Variants in VPS8 observed in about 807,000 individuals in gnomAD.
The protein encoded by VPS8 is vacuolar protein sorting-associated protein 8 homolog.
A neutral mutation model predicts 216.4 loss-of-function variants in VPS8; 129 were observed. The ratio of observed to expected loss-of-function variants is 0.60; its 90% CI spans 0.52 to 0.69. The LOEUF (loss-of-function observed/expected upper bound fraction) is 0.69. Ranked by LOEUF, VPS8 falls within the 30% of genes least tolerant of loss-of-function variation. The pLI, the probability that VPS8 is intolerant of heterozygous loss-of-function variation, is 0.00. For synonymous variants in VPS8, 571 were observed against 565.4 expected (o/e 1.01, Z -0.14); for missense variants, 1,531 against 1,683.5 (o/e 0.91, Z 1.59).
intron 36 of VPS8, among the ~76,000 whole-genome samples, chr3:184,956,933 A>T (rs1262072226): frequency 3.9e-5 from 6 of 152,246 alleles, no homozygotes; most frequent in Admixed American, 3.3e-4. Flanking sequence ...AGTGTTTTAG[A>T]GAAGATAGAT....
chr3:185,042,853 C>T (rs958947814), intron 46 of VPS8, among the ~76,000 whole-genome samples: 1 of 152,168 alleles, frequency 6.6e-6, no homozygotes, highest in Non-Finnish European at 1.5e-5. Flanking sequence ...AAGCTGTTGC[C>T]TTTCAAAGCA....
At chr3:184,875,314 T>C (rs1176231271) in intron 21 of VPS8, among the ~76,000 whole-genome samples, 1 of 152,148 alleles carries the variant, frequency 6.6e-6, no homozygotes, top group Non-Finnish European at 1.5e-5. Context: ...TGTAAGGCTA[T>C]TCACTATTTT....
intron 45 of VPS8, among the ~76,000 whole-genome samples, chr3:185,000,730 C>T (rs1232757965): frequency 2.0e-5 from 3 of 151,944 alleles, no homozygotes; most frequent in African/African-American, 4.8e-5. Context: ...CTCAGCCTCC[C>T]GAGTAGCTGG....
chr3:184,841,762 C>T (rs1722183274), intron 7 of VPS8, among the ~76,000 whole-genome samples: 1 of 152,118 alleles, frequency 6.6e-6, no homozygotes, highest in African/African-American at 2.4e-5. Flanking sequence ...TCATTTAGTT[C>T]AGTCCCCTTA....
intron 40 of VPS8, among the ~76,000 whole-genome samples, chr3:184,978,680 G>A (rs1231418964): frequency 6.6e-6 from 1 of 152,162 alleles, no homozygotes; most frequent in East Asian, 1.9e-4. Flanking sequence ...TTACAATTGT[G>A]AGCCATCGCA....
intron 34 of VPS8, among the ~76,000 whole-genome samples, chr3:184,935,219 A>G (rs1305790384): frequency 1.3e-5 from 2 of 152,104 alleles, no homozygotes; most frequent in Non-Finnish European, 2.9e-5. Flanking sequence ...ATTAAATTAT[A>G]CTTTTTAGGA....
chr3:184,864,515 G>C (rs1191616652), intron 16 of VPS8, among the ~76,000 whole-genome samples: 1 of 152,176 alleles, frequency 6.6e-6, no homozygotes, highest in African/African-American at 2.4e-5. Context: ...CCATTTGAAA[G>C]GTTTAGAGGG....
chr3:184,878,356 G>A (rs1476535822), intron 21 of VPS8, among the ~76,000 whole-genome samples: 2 of 152,078 alleles, frequency 1.3e-5, no homozygotes, highest in Non-Finnish European at 2.9e-5. Context: ...TGATCCACCC[G>A]CCTCGGCCTC....
chr3:184,984,323 C>T (rs1462509842), intron 42 of VPS8, among the ~76,000 whole-genome samples: 22 of 131,818 alleles, frequency 1.7e-4, no homozygotes, highest in Non-Finnish European at 2.9e-4. Context: ...GAGACAGTTT[C>T]ACTCTTGTTG....
At position 184,870,699 on chromosome 3, in the gene VPS8, G is replaced by A; in HGVS notation, c.1645-17G>A. 1 of 1,596,656 alleles carries A rather than the reference G, an allele frequency of 6.3e-7. No homozygotes were observed. The highest frequency in any genetic ancestry group is 1.1e-5 in the South Asian group (1 of 89,198). On this transcript the variant is annotated splice_polypyrimidine_tract_variant and intron_variant, in intron 20 of 47. Coordinates refer to ENST00000625842, the MANE Select transcript of VPS8 (RefSeq NM_001009921.3). ...GAGATATATTTTAATGTCTATGCCA[G>A]GCTGTTTTCCTTACAGATGGTAGAA...
Position 185,019,740 on chromosome 3 carries a change from G to A in VPS8, c.4003-4596G>A, listed in dbSNP as rs149577104. ...GCCATCACGAGCATGTCACAATGCT[G>A]TAGAGATTTTGTTTATGGCCAATTT... On this transcript the variant is annotated intron_variant, in intron 45 of 47. Coordinates refer to ENST00000625842, the MANE Select transcript of VPS8 (RefSeq NM_001009921.3). Among the ~76,000 whole-genome samples, 30 of 152,366 alleles carry A rather than the reference G, an allele frequency of 2.0e-4. No homozygotes were observed. The East Asian group carries it at 5.0e-3, about 25-fold the overall frequency.
At chr3:184,922,912 C>T (rs1035504886) in intron 29 of VPS8, among the ~76,000 whole-genome samples, 2 of 151,030 alleles carry the variant, frequency 1.3e-5, no homozygotes, top group Admixed American at 6.6e-5. Flanking sequence ...AGGATAATAA[C>T]CAATTAGACA....
chr3:185,050,216 A>C (rs1227424435), intron 47 of VPS8, among the ~76,000 whole-genome samples: 1 of 151,772 alleles, frequency 6.6e-6, no homozygotes, highest in East Asian at 1.9e-4. Flanking sequence ...ATTCTGTTCA[A>C]GGCATCGTAC....
chr3:185,027,464 G>A (rs368409788), intron 46 of VPS8, among the ~76,000 whole-genome samples: 5 of 150,738 alleles, frequency 3.3e-5, no homozygotes, highest in South Asian at 4.2e-4. Context: ...GGATGGTCTC[G>A]ATCTCCTGAC....
At chr3:184,948,035 A>C (rs944054384) in intron 36 of VPS8, among the ~76,000 whole-genome samples, 1 of 152,162 alleles carries the variant, frequency 6.6e-6, no homozygotes, top group African/African-American at 2.4e-5. Context: ...CAGGTCTAGA[A>C]TTTAATAACA....
chr3:184,823,661 T>C (rs992079357), intron 1 of VPS8, among the ~76,000 whole-genome samples: 4 of 152,236 alleles, frequency 2.6e-5, no homozygotes, highest in Non-Finnish European at 5.9e-5. Context: ...CAGGTAAAGC[T>C]AATTGGACTT....
intron 40 of VPS8, among the ~76,000 whole-genome samples, chr3:184,971,967 T>G (rs1224814258): frequency 1.3e-5 from 2 of 151,754 alleles, no homozygotes; most frequent in East Asian, 3.9e-4. Flanking sequence ...TCCCAGCTAC[T>G]CAGAAGGCTG....
At chr3:184,863,175 C>A in intron 16 of VPS8, 108 bp downstream of exon 16, 1 of 1,341,586 alleles carries the variant, frequency 7.5e-7, no homozygotes, top group South Asian at 1.4e-5. Flanking sequence ...CTTTTTCTGT[C>A]TTGAGGTGTT....
intron 42 of VPS8, among the ~76,000 whole-genome samples, chr3:184,987,772 A>G (rs1245046474): frequency 1.3e-5 from 2 of 152,222 alleles, no homozygotes; most frequent in African/African-American, 2.4e-5. Context: ...GCTGGATTAT[A>G]TAAGACTATG....
Sources: gnomAD v4.1 joint callset for allele counts (sites outside exome capture counted in the v4.1 genomes callset) on GRCh38, gnomAD v4.1.1 for gene constraint, MANE v1.5 for transcripts, NCBI Gene and HGNC (gene_info 2026-07-23, HGNC 2026-07-21) for gene names.